Variants in OSTF1 observed in about 807,000 individuals in gnomAD.
OSTF1 encodes the protein osteoclast stimulating factor 1.
Under a neutral mutation model 37.2 loss-of-function variants are expected in OSTF1, and 27 were observed. The ratio of observed to expected loss-of-function variants is 0.73; its 90% CI spans 0.54 to 1.00. The LOEUF (loss-of-function observed/expected upper bound fraction) is 1.00. Among genes scored for constraint, OSTF1 ranks in the 50% least tolerant of loss-of-function variants. The probability of loss-of-function intolerance (pLI) is 0.00; values close to 1 mark genes in which losing one functional copy is unlikely to be tolerated. For missense variants in OSTF1, 232 were observed against 253.8 expected (o/e 0.91, Z 0.58); for synonymous variants, 82 against 89.2 (o/e 0.92, Z 0.46).
At chr9:75,093,855 C>A (rs1825025436) in intron 1 of OSTF1, among the ~76,000 whole-genome samples, 1 of 152,146 alleles carries the variant, frequency 6.6e-6, no homozygotes, top group South Asian at 2.1e-4. Flanking sequence ...TGAGAAACAT[C>A]TTGAAAATTT....
At chr9:75,134,589 CT>C (rs1383930256) in intron 7 of OSTF1, among the ~76,000 whole-genome samples, 194 bp downstream of exon 7, 3 of 152,190 alleles carry the variant, frequency 2.0e-5, no homozygotes, top group African/African-American at 4.8e-5. Flanking sequence ...TCACTTTCAG[CT>C]TTTAGCTCTT....
intron 1 of OSTF1, among the ~76,000 whole-genome samples, chr9:75,108,423 C>T (rs1365461929): frequency 2.7e-5 from 4 of 150,346 alleles, no homozygotes; most frequent in Non-Finnish European, 5.9e-5. Flanking sequence ...AATTTTTCCC[C>T]AAGAAAATTT....
In OSTF1 at chr9:75,130,776, G is replaced by A. The variant is rs1409161720; in HGVS notation, c.196+135G>A. The A allele has an allele frequency of 7.4e-5, 47 of 637,352 alleles. No individual in the cohort carries two copies. The East Asian group carries it at 1.3e-3, about 17-fold the overall frequency. 39.5% of individuals were successfully genotyped at this position (637,352 alleles called of 1,614,324 possible). A position where few individuals can be genotyped will look rare whatever the true frequency, so the allele number is the denominator to read the frequency against. On this transcript the variant is annotated intron_variant, in intron 4 of 9. Transcript: ENST00000346234. ...GTCTAGGACATTTTCTATTCCATGA[G>A]CCTTCTGTTAATAAACTGGCCATGA...
chr9:75,114,250 A>G (rs1825442573), intron 1 of OSTF1, among the ~76,000 whole-genome samples: 1 of 152,174 alleles, frequency 6.6e-6, no homozygotes, highest in Admixed American at 6.5e-5. Flanking sequence ...TATTGTGAAT[A>G]ATGTGCAGCA....
At chr9:75,101,144 A>G (rs1368419210) in intron 1 of OSTF1, among the ~76,000 whole-genome samples, 1 of 152,094 alleles carries the variant, frequency 6.6e-6, no homozygotes. Context: ...TCCCGTAAAC[A>G]ATCTCGACTC....
chr9:75,121,291 A>G (rs537150363), intron 2 of OSTF1, among the ~76,000 whole-genome samples: 43 of 152,222 alleles, frequency 2.8e-4, no homozygotes, highest in African/African-American at 1.0e-3. Flanking sequence ...GATATTTTTG[A>G]TGGGTTGTGT....
intron 1 of OSTF1, among the ~76,000 whole-genome samples, chr9:75,115,341 G>A (rs1192927963): frequency 6.6e-6 from 1 of 152,194 alleles, no homozygotes; most frequent in African/African-American, 2.4e-5. Context: ...GCCCAGGCTG[G>A]AGTGTAGTGG....
intron 9 of OSTF1, among the ~76,000 whole-genome samples, chr9:75,142,600 A>G (rs1475117489): frequency 6.6e-6 from 1 of 152,044 alleles, no homozygotes; most frequent in Admixed American, 6.5e-5. Flanking sequence ...GAGGCAGGTA[A>G]TGAGCCTTTC....
chr9:75,106,779 C>A (rs1265939273), intron 1 of OSTF1, among the ~76,000 whole-genome samples: 1 of 150,440 alleles, frequency 6.6e-6, no homozygotes, highest in Non-Finnish European at 1.5e-5. Context: ...CATGGTGAAA[C>A]CCCGTCTCTA....
At chr9:75,090,883 A>G (rs1045822580) in intron 1 of OSTF1, among the ~76,000 whole-genome samples, 1 of 152,220 alleles carries the variant, frequency 6.6e-6, no homozygotes, top group African/African-American at 2.4e-5. Flanking sequence ...AGGCAATGGT[A>G]TAGTCACTTT....
intron 9 of OSTF1, among the ~76,000 whole-genome samples, chr9:75,144,009 A>G (rs961137083): frequency 3.3e-5 from 5 of 152,216 alleles, no homozygotes; most frequent in Non-Finnish European, 7.4e-5. Flanking sequence ...AGAAGTAACC[A>G]TCCAAGGACA....
At chr9:75,107,690 C>T (rs1825312845) in intron 1 of OSTF1, among the ~76,000 whole-genome samples, 1 of 152,104 alleles carries the variant, frequency 6.6e-6, no homozygotes, top group South Asian at 2.1e-4. Context: ...CTTGATAACC[C>T]AGAACATAAA....
intron 1 of OSTF1, among the ~76,000 whole-genome samples, chr9:75,096,655 C>T (rs1357353432): frequency 2.0e-5 from 3 of 152,226 alleles, no homozygotes; most frequent in Admixed American, 6.5e-5. Context: ...GACTTACTGC[C>T]ATGAGACAAA....
Position 75,090,476 on chromosome 9 carries a change from C to CTT in OSTF1, c.34+1752_34+1753dup, listed in dbSNP as rs546653778. Among the ~76,000 whole-genome samples the CTT allele has an allele frequency of 5.7e-3, 874 of 152,240 alleles. 8 individuals carry two copies. Among genetic ancestry groups the CTT allele is most frequent in the African/African-American group, 0.02 (843 of 41,532 alleles). Reference sequence around the variant, plus strand: ...AAACATGACAGGTGTTTAGAGGGAACTTTGCATTTTATTTTATTTTAATTT... The same window carrying CTT: ...AAACATGACAGGTGTTTAGAGGGAACTTTTTGCATTTTATTTTATTTTAATTT... On this transcript the variant is annotated intron_variant, in intron 1 of 9. Coordinates refer to ENST00000346234, the MANE Select transcript of OSTF1 (RefSeq NM_012383.5).
Position 75,102,369 on chromosome 9 carries a change from G to T in OSTF1, c.34+13643G>T, listed in dbSNP as rs923931331. Among the ~76,000 whole-genome samples, 74 of 152,342 alleles carry T rather than the reference G, an allele frequency of 4.9e-4. 1 individual carries two copies. The highest frequency in any genetic ancestry group is 3.4e-3 in the Middle Eastern group (1 of 294). ...CTGGTGTTTTTTCACTCTGTGAGTG[G>T]TGAATTGGTAGGTAGTAAAGTCAGT... On this transcript the variant is annotated intron_variant, in intron 1 of 9. Transcript: ENST00000346234.
intron 9 of OSTF1, among the ~76,000 whole-genome samples, chr9:75,141,256 G>C (rs1012857410): frequency 7.4e-6 from 1 of 135,598 alleles, no homozygotes; most frequent in African/African-American, 2.8e-5. Flanking sequence ...AGCTGTGATC[G>C]CACCACTGCA....
chr9:75,137,840 T>C (rs1367513072), intron 8 of OSTF1, among the ~76,000 whole-genome samples: 1 of 152,242 alleles, frequency 6.6e-6, no homozygotes. Context: ...AGCTTTAACA[T>C]TACATATATT....
At chr9:75,123,264 A>T (rs1274236226) in intron 2 of OSTF1, among the ~76,000 whole-genome samples, 1 of 152,192 alleles carries the variant, frequency 6.6e-6, no homozygotes, top group East Asian at 1.9e-4. Flanking sequence ...TACTAAAAAT[A>T]CAAAAAAATC....
chr9:75,111,938 C>G (rs1443243894), intron 1 of OSTF1, among the ~76,000 whole-genome samples: 1 of 148,398 alleles, frequency 6.7e-6, no homozygotes, highest in Non-Finnish European at 1.5e-5. Context: ...ATTCTCCTGC[C>G]TCAGCCTCCT....
Sources: gnomAD v4.1 joint callset for allele counts (sites outside exome capture counted in the v4.1 genomes callset) on GRCh38, gnomAD v4.1.1 for gene constraint, MANE v1.5 for transcripts, NCBI Gene and HGNC (gene_info 2026-07-23, HGNC 2026-07-21) for gene names.